The following CYBA variants were observed in gnomAD, a reference collection of about 807,000 sequenced individuals.
CYBA encodes cytochrome b-245 light chain.
In CYBA, 21 loss-of-function variants were observed where a neutral mutation model predicts 20.8. That is an observed-to-expected ratio of 1.01 (90% CI 0.72 to 1.46). CYBA has a LOEUF of 1.46. CYBA is among the 40% of genes most tolerant of loss of function. The probability of loss-of-function intolerance (pLI) is 0.00; values close to 1 mark genes in which losing one functional copy is unlikely to be tolerated. For missense variants in CYBA, 344 were observed against 287.0 expected (o/e 1.20, Z -1.43); for synonymous variants, 164 against 127.5 (o/e 1.29, Z -1.93).
chr16:88,646,036 G>A, intron 5 of CYBA, 80 bp downstream of exon 5: 1 of 1,214,148 alleles, frequency 8.2e-7, no homozygotes. Flanking sequence ...CCGGCTTCAA[G>A]GGCCATGCGT....
intron 3 of CYBA, 83 bp from the exon 4 acceptor site, chr16:88,646,921 G>T: frequency 7.7e-7 from 1 of 1,293,028 alleles, no homozygotes; most frequent in Non-Finnish European, 1.1e-6. Context: ...CCACCCCAGG[G>T]CACCCAGGCC....
In CYBA at chr16:88,650,770, C is replaced by T. The variant is rs1567610839; in HGVS notation, c.58+186G>A. ...AAGGGAATTACTGGGGGTCTCAGAA[C>T]TCCTCCTTCCAGCCCGCGGCCTGAG... On this transcript the variant is annotated intron_variant, in intron 1 of 5. Transcript: ENST00000261623. 3 of 649,144 alleles carry T rather than the reference C, an allele frequency of 4.6e-6. No individual in the cohort carries two copies. In the East Asian group the frequency reaches 8.2e-5, roughly 18 times the overall value. 40.2% of individuals were successfully genotyped at this position (649,144 alleles called of 1,614,324 possible). A position where few individuals can be genotyped will look rare whatever the true frequency, so the allele number is the denominator to read the frequency against.
intron 5 of CYBA, chr16:88,644,885 T>G: frequency 2.0e-6 from 1 of 506,600 alleles, no homozygotes; most frequent in Non-Finnish European, 3.5e-6. Context: ...GCAAAGGATT[T>G]GAACAGGCAA....
rs1008522667 is a variant in CYBA, at chr16:88,649,158, C to T, written c.59-1044G>A. ...TTCACTGTGTTAGCCAGGATGGTCT[C>T]GATCTCCTGACCTCGTGATCCGCCC... On this transcript the variant is annotated intron_variant, in intron 1 of 5. Coordinates refer to ENST00000261623, the MANE Select transcript of CYBA (RefSeq NM_000101.4). Among the ~76,000 whole-genome samples, 9 of 150,772 alleles carry T rather than the reference C, an allele frequency of 6.0e-5. No homozygotes were observed. In the South Asian group the frequency reaches 8.4e-4, roughly 14 times the overall value.
chr16:88,645,732 G>T, intron 5 of CYBA: 1 of 538,516 alleles, frequency 1.9e-6, no homozygotes, highest in Non-Finnish European at 3.3e-6. Context: ...AGCGCGAATA[G>T]GGTTTAGGTG....
chr16:88,648,589 G>C (rs929908185), intron 1 of CYBA, among the ~76,000 whole-genome samples: 1 of 151,682 alleles, frequency 6.6e-6, no homozygotes, highest in Admixed American at 6.6e-5. Context: ...GCACATTTTT[G>C]GGGGGGTATT....
intron 2 of CYBA, chr16:88,647,616 G>A (rs1907336898): frequency 1.9e-5 from 7 of 368,572 alleles, no homozygotes; most frequent in East Asian, 1.3e-4. Flanking sequence ...TCTGGCACTC[G>A]GGGCTGCCCA....
In CYBA at chr16:88,649,184, G is replaced by A. The variant is rs148328915; in HGVS notation, c.59-1070C>T. ...GATCTCCTGACCTCGTGATCCGCCC[G>A]CCTTGGCCTCCCAAAGTGCTAGGAT... On this transcript the variant is annotated intron_variant, in intron 1 of 5. Coordinates refer to ENST00000261623, the MANE Select transcript of CYBA (RefSeq NM_000101.4). Among the ~76,000 whole-genome samples, 34 of 152,272 alleles carry A rather than the reference G, an allele frequency of 2.2e-4. No individual in the cohort carries two copies. In the South Asian group the frequency reaches 3.7e-3, roughly 17 times the overall value.
At chr16:88,645,587 C>T in intron 5 of CYBA, 2 of 614,332 alleles carry the variant, frequency 3.3e-6, no homozygotes, top group Non-Finnish European at 5.8e-6. Flanking sequence ...GTCCTCCCAC[C>T]CATCCCTGGC....
rs749332805 is a variant in CYBA at position 88,648,040 on chromosome 16, G to C, written c.128+5C>G. On this transcript the variant is annotated splice_donor_5th_base_variant and intron_variant, in intron 2 of 5. Coordinates refer to ENST00000261623, the MANE Select transcript of CYBA (RefSeq NM_000101.4). ...CGCCCACCCCAGCCTCAGGTGGAAG[G>C]ATACATGGAGTAGGCACCAAAGTAC... The C allele has an allele frequency of 5.1e-5, 82 of 1,611,684 alleles. No homozygotes were observed. The highest frequency in any genetic ancestry group is 6.0e-5 in the Non-Finnish European group (71 of 1,179,392).
chr16:88,650,569 G>T, intron 1 of CYBA: 1 of 501,298 alleles, frequency 2.0e-6, no homozygotes, highest in Non-Finnish European at 3.9e-6. Context: ...CCGAGGGGCA[G>T]GGGAGCTTCT....
At chr16:88,649,075 CTA>C (rs1907402596) in intron 1 of CYBA, among the ~76,000 whole-genome samples, 2 of 151,844 alleles carry the variant, frequency 1.3e-5, no homozygotes, top group East Asian at 3.9e-4. Flanking sequence ...GTAGCTGGGA[CTA>C]TGCGCGCCTG....
chr16:88,646,368 G>T, intron 4 of CYBA, 171 bp from the exon 5 acceptor site: 1 of 518,858 alleles, frequency 1.9e-6, no homozygotes, highest in African/African-American at 4.1e-5. Context: ...CAGCCTTGAT[G>T]TGGACACTAG....
In CYBA at chr16:88,650,680, C is replaced by T. The variant is rs1467668461; in HGVS notation, c.58+276G>A. 4 of 609,760 alleles carry T rather than the reference C, an allele frequency of 6.6e-6. No homozygotes were observed. The Admixed American group carries it at 1.1e-4, about 16-fold the overall frequency. The allele number at this position is 609,760 out of a possible 1,614,324, so 37.8% of individuals were successfully genotyped here. On this transcript the variant is annotated intron_variant, in intron 1 of 5. Coordinates refer to ENST00000261623, the MANE Select transcript of CYBA (RefSeq NM_000101.4). ...TCTTCCCCTGCGCTGCAACTTCCTCCTTCGCGGAGTCGGGGGACCGAGAGA... is the reference window on the plus strand; with the variant it reads ...TCTTCCCCTGCGCTGCAACTTCCTCTTTCGCGGAGTCGGGGGACCGAGAGA...
intron 1 of CYBA, 200 bp downstream of exon 1, chr16:88,650,756 T>C (rs1423340596): frequency 1.4e-5 from 9 of 630,426 alleles, no homozygotes; most frequent in East Asian, 8.2e-5. Flanking sequence ...AGGGAATTAC[T>C]GGGGGTCTCA....
intron 5 of CYBA, 158 bp downstream of exon 5, chr16:88,645,958 G>A (rs557421514): frequency 3.6e-5 from 23 of 647,368 alleles, no homozygotes; most frequent in Middle Eastern, 4.2e-4. Context: ...CAACCGCTGC[G>A]TCCCCGCCGT....
intron 5 of CYBA, chr16:88,645,319 C>T: frequency 1.4e-6 from 1 of 702,458 alleles, no homozygotes; most frequent in Non-Finnish European, 2.6e-6. Context: ...AACTCCACTT[C>T]CATACGCGGA....
At chr16:88,647,914 G>A (rs1016663551) in intron 2 of CYBA, 131 bp downstream of exon 2, 44 of 910,836 alleles carry the variant, frequency 4.8e-5, no homozygotes, top group South Asian at 3.4e-4. Context: ...TGCCCAACCC[G>A]TGCACAGCCC....
intron 1 of CYBA, among the ~76,000 whole-genome samples, chr16:88,649,957 C>A (rs927859055): frequency 6.6e-6 from 1 of 152,158 alleles, no homozygotes; most frequent in African/African-American, 2.4e-5. Context: ...ACTGACCCAC[C>A]GACTTCTTGG....
Sources: gnomAD v4.1 joint callset for allele counts (sites outside exome capture counted in the v4.1 genomes callset) on GRCh38, gnomAD v4.1.1 for gene constraint, MANE v1.5 for transcripts, NCBI Gene and HGNC (gene_info 2026-07-23, HGNC 2026-07-21) for gene names.